ACBD3: variants seen among roughly 807,000 people sequenced by gnomAD.
ACBD3 encodes the protein Golgi resident protein GCP60.
ACBD3 carries 30 observed loss-of-function variants against 66.9 expected under a neutral mutation model. The observed-to-expected ratio is 0.45, with a 90% CI of 0.34 to 0.61. The LOEUF (loss-of-function observed/expected upper bound fraction) is 0.61. ACBD3 is among the 20% of genes least tolerant of loss of function. ACBD3 has a pLI of 0.02. For synonymous variants in ACBD3, 278 were observed against 259.8 expected (o/e 1.07, Z -0.68); for missense variants, 544 against 664.5 (o/e 0.82, Z 1.99).
rs921216993 is a variant in ACBD3 at position 226,179,715 on chromosome 1, G to A, written c.286+6675C>T. 4.6e-5 allele frequency among the ~76,000 whole-genome samples: 7 copies of A among 151,966 alleles called. No individual in the cohort carries two copies. The South Asian group carries it at 6.2e-4, about 14-fold the overall frequency. ...TCTACTAAAAATACAAAAATTAGCCGGGTGTGGTGGTGCACACCTGTAATC... is the reference window on the plus strand; with the variant it reads ...TCTACTAAAAATACAAAAATTAGCCAGGTGTGGTGGTGCACACCTGTAATC... On this transcript the variant is annotated intron_variant, in intron 1 of 7. Coordinates refer to ENST00000366812, the MANE Select transcript of ACBD3 (RefSeq NM_022735.4).
chr1:226,161,138 A>C (rs1365264202), intron 4 of ACBD3, among the ~76,000 whole-genome samples: 1 of 87,426 alleles, frequency 1.1e-5, no homozygotes, highest in African/African-American at 5.0e-5. Context: ...AAACCTTCTA[A>C]TACATTCCTT....
intron 1 of ACBD3, among the ~76,000 whole-genome samples, chr1:226,185,917 G>T (rs1656291034): frequency 6.6e-6 from 1 of 152,134 alleles, no homozygotes; most frequent in South Asian, 2.1e-4. Flanking sequence ...CCCAAGAATG[G>T]CTGGAAAAGC....
In ACBD3 at chr1:226,170,399, C is replaced by T. The variant is rs377673642; in HGVS notation, c.287-4399G>A. On this transcript the variant is annotated intron_variant, in intron 1 of 7. Coordinates refer to ENST00000366812, the MANE Select transcript of ACBD3 (RefSeq NM_022735.4). ...CCATGTTACCCAGGATGATCTCGAT[C>T]TCCTGACCTCGTGATCTGCCCACCT... Among the ~76,000 whole-genome samples, 13 of 141,018 alleles carry T rather than the reference C, an allele frequency of 9.2e-5. No individual in the cohort carries two copies. The East Asian group carries it at 2.5e-3, about 27-fold the overall frequency. The allele number at this position is 141,018 out of a possible 152,430, so 92.5% of individuals were successfully genotyped here.
At position 226,161,614 on chromosome 1, in the gene ACBD3, CCTA is replaced by C. The variant is rs759592146; in HGVS notation, c.642_644del (p.Arg216del). The C allele has an allele frequency of 2.9e-5, 46 of 1,613,920 alleles. No homozygotes were observed. Among genetic ancestry groups the C allele is most frequent in the African/African-American group, 9.3e-5 (7 of 74,918 alleles). On this transcript the variant is annotated inframe_deletion, in exon 4 of 8. Coordinates refer to ENST00000366812, the MANE Select transcript of ACBD3 (RefSeq NM_022735.4). ...GTCGAAGCCTTTCCTCTTCTTCTCT[CCTA>C]CGTTTCTCTTCCTCCTTTTGCAGAC...
chr1:226,177,889 C>A (rs563804236), intron 1 of ACBD3, among the ~76,000 whole-genome samples: 1 of 151,948 alleles, frequency 6.6e-6, no homozygotes, highest in Non-Finnish European at 1.5e-5. Context: ...GCTACAGGTA[C>A]AAGCCACCAA....
At position 226,181,739 on chromosome 1, in the gene ACBD3, C is replaced by A. The variant is rs758900711; in HGVS notation, c.286+4651G>T. Among the ~76,000 whole-genome samples the A allele has an allele frequency of 1.4e-3, 209 of 152,090 alleles. 3 individuals carry two copies. The highest frequency in any genetic ancestry group is 4.0e-4 in the Non-Finnish European group (27 of 68,016). ...ATCTTAAATTAATGTAAACAATCTACCAGCTTAATGTAATACAGTAATAAA... is the reference window on the plus strand; with the variant it reads ...ATCTTAAATTAATGTAAACAATCTAACAGCTTAATGTAATACAGTAATAAA... On this transcript the variant is annotated intron_variant, in intron 1 of 7. Transcript: ENST00000366812.
intron 6 of ACBD3, among the ~76,000 whole-genome samples, chr1:226,153,196 C>A (rs1659609358): frequency 6.6e-6 from 1 of 151,926 alleles, no homozygotes; most frequent in Non-Finnish European, 1.5e-5. Context: ...CTTGACTATG[C>A]AATAAGTTTT....
At chr1:226,154,225 G>GTT (rs979378165) in intron 6 of ACBD3, among the ~76,000 whole-genome samples, 1 of 147,650 alleles carries the variant, frequency 6.8e-6, no homozygotes. Context: ...ATTTTTGTTT[G>GTT]TTTTTTTTTT....
intron 7 of ACBD3, chr1:226,148,196 T>G (rs1659495523): frequency 6.6e-6 from 1 of 152,222 alleles, no homozygotes; most frequent in Admixed American, 6.5e-5. Context: ...AAATATGGAC[T>G]TTAGTTAATT....
At chr1:226,177,500 G>A (rs546820941) in intron 1 of ACBD3, among the ~76,000 whole-genome samples, 5 of 151,324 alleles carry the variant, frequency 3.3e-5, no homozygotes, top group African/African-American at 7.3e-5. Flanking sequence ...CCAGCCCCAC[G>A]TAGCTGTTTT....
Position 226,152,582 on chromosome 1 carries a change from T to C in ACBD3, c.1128A>G (p.Thr376=), listed in dbSNP as rs1659598166. The C allele has an allele frequency of 1.2e-6, 2 of 1,614,214 alleles. No individual in the cohort carries two copies. Among genetic ancestry groups the C allele is most frequent in the Non-Finnish European group, 1.7e-6 (2 of 1,180,042 alleles). ...LPVIAAPSMW[T]RPQIKDFKEK... is the part of the protein sequence containing the mutation. ...CTTTGAAGTCTTTGATCTGAGGTCGTGTCCACATGGATGGAGCTGCTATTA... is the reference window on the plus strand; with the variant it reads ...CTTTGAAGTCTTTGATCTGAGGTCGCGTCCACATGGATGGAGCTGCTATTA... Residue 376 remains threonine, a synonymous_variant, in exon 7 of 8, where the codon ACA becomes ACG. Coordinates refer to ENST00000366812, the MANE Select transcript of ACBD3 (RefSeq NM_022735.4).
intron 7 of ACBD3, among the ~76,000 whole-genome samples, chr1:226,147,722 A>G (rs1023188869): frequency 7.2e-5 from 11 of 152,246 alleles, no homozygotes; most frequent in Non-Finnish European, 1.6e-4. Context: ...CTAAGTGGCA[A>G]AAAATGGGCT....
intron 7 of ACBD3, among the ~76,000 whole-genome samples, chr1:226,150,747 G>C (rs1659557788): frequency 6.6e-6 from 1 of 152,132 alleles, no homozygotes; most frequent in Admixed American, 6.6e-5. Context: ...GCTTTGCCTT[G>C]CTGGTGGTAC....
At chr1:226,163,045 C>T (rs1659800310) in intron 3 of ACBD3, among the ~76,000 whole-genome samples, 1 of 152,004 alleles carries the variant, frequency 6.6e-6, no homozygotes, top group African/African-American at 2.4e-5. Context: ...AAGTGATCTG[C>T]CCGCCTCGTT....
intron 6 of ACBD3, 26 bp downstream of exon 6, chr1:226,154,621 T>C: frequency 6.3e-7 from 1 of 1,584,966 alleles, no homozygotes; most frequent in Non-Finnish European, 8.6e-7. Context: ...TTATGACATC[T>C]GGACAAACAC....
At chr1:226,168,946 T>G (rs115217868) in intron 1 of ACBD3, among the ~76,000 whole-genome samples, 4,646 of 152,120 alleles carry the variant, frequency 0.031, 219 homozygotes, top group African/African-American at 0.1. Flanking sequence ...CACTGCAGCT[T>G]CCGTCTCTTG....
chr1:226,174,534 G>C (rs1655974989), intron 1 of ACBD3, among the ~76,000 whole-genome samples: 1 of 152,114 alleles, frequency 6.6e-6, no homozygotes, highest in South Asian at 2.1e-4. Flanking sequence ...GGAGGCCAGG[G>C]CAAGTGGATC....
chr1:226,175,959 T>C (rs1000098866), intron 1 of ACBD3, among the ~76,000 whole-genome samples: 1 of 152,200 alleles, frequency 6.6e-6, no homozygotes, highest in Non-Finnish European at 1.5e-5. Flanking sequence ...TTCTGGAACC[T>C]GTGAATATGT....
At chr1:226,167,742 A>G (rs1659902400) in intron 1 of ACBD3, among the ~76,000 whole-genome samples, 1 of 152,252 alleles carries the variant, frequency 6.6e-6, no homozygotes, top group African/African-American at 2.4e-5. Context: ...AAAATCACTA[A>G]TAAGTGAGAA....
Sources: allele counts gnomAD v4.1 joint callset (sites outside exome capture counted in the v4.1 genomes callset), GRCh38; gene constraint gnomAD v4.1.1; transcripts MANE v1.5; gene names NCBI Gene and HGNC (gene_info 2026-07-23, HGNC 2026-07-21).